Variants in CD247 observed in about 807,000 individuals in gnomAD.
The protein encoded by CD247 is CD247 molecule.
A neutral mutation model predicts 30.0 loss-of-function variants in CD247; 13 were observed. That is an observed-to-expected ratio of 0.43 (90% confidence interval 0.28 to 0.69). The LOEUF (loss-of-function observed/expected upper bound fraction) is 0.69. Among genes scored for constraint, CD247 ranks in the 30% least tolerant of loss-of-function variants. The pLI, the probability that CD247 is intolerant of heterozygous loss-of-function variation, is 0.16. For missense variants in CD247, 193 were observed against 212.6 expected (o/e 0.91, Z 0.57); for synonymous variants, 72 against 80.0 (o/e 0.90, Z 0.53).
intron 1 of CD247, among the ~76,000 whole-genome samples, chr1:167,468,193 A>G (rs2102042555): frequency 6.6e-6 from 1 of 152,230 alleles, no homozygotes; most frequent in African/African-American, 2.4e-5. Flanking sequence ...GGGAAGATTT[A>G]TTGCCTCCAA....
At chr1:167,448,114 A>G (rs374476410) in intron 1 of CD247, among the ~76,000 whole-genome samples, 2 of 152,224 alleles carry the variant, frequency 1.3e-5, no homozygotes, top group African/African-American at 4.8e-5. Context: ...CAGAAAAGAT[A>G]TAGGCTAGAC....
chr1:167,439,346 T>A lies in CD247; in HGVS notation c.217A>T (p.Asn73Tyr), dbSNP rs772128174. 1 of 1,613,792 alleles carries A rather than the reference T, an allele frequency of 6.2e-7. No individual in the cohort carries two copies. The highest frequency in any genetic ancestry group is 2.2e-5 in the East Asian group (1 of 44,874). Residue 73 changes from asparagine to tyrosine, a missense_variant and splice_region_variant, in exon 3 of 8, where the codon AAC (asparagine) becomes TAC (tyrosine). Transcript: ENST00000362089. ...GGTCTACGGCGAGGCTGACTTACGT[T>A]ATAGAGCTGGTTCTGGCCCTGCTGG... ...AYQQGQNQLYNELNLGRREEY... is the reference protein window; with the variant it reads ...AYQQGQNQLYYELNLGRREEY...
chr1:167,493,130 C>T (rs1654528787), intron 1 of CD247, among the ~76,000 whole-genome samples: 1 of 148,026 alleles, frequency 6.8e-6, no homozygotes, highest in South Asian at 2.2e-4. Flanking sequence ...GCAACTGCCA[C>T]CTCCTGGGTT....
Position 167,509,351 on chromosome 1 carries a change from C to T in CD247, c.58+9057G>A, listed in dbSNP as rs543894270. 8.0e-5 allele frequency among the ~76,000 whole-genome samples: 10 copies of T among 124,706 alleles called. No individual in the cohort carries two copies. In the East Asian group the frequency reaches 8.9e-4, roughly 11 times the overall value. 81.8% of individuals were successfully genotyped at this position (124,706 alleles called of 152,430 possible). On this transcript the variant is annotated intron_variant, in intron 1 of 7. Coordinates refer to ENST00000362089, the MANE Select transcript of CD247 (RefSeq NM_198053.3). ...TGCACTCCAGCCTAGTCAACAAGAG[C>T]GAAGCGAAACTCTGTCTCAAAAAAA...
intron 5 of CD247, 157 bp from the exon 6 acceptor site, chr1:167,434,233 C>A: frequency 1.4e-6 from 1 of 727,772 alleles, no homozygotes. Flanking sequence ...ACACAAACTT[C>A]TCTGCCCACA....
chr1:167,462,412 T>C (rs924229292), intron 1 of CD247, among the ~76,000 whole-genome samples: 1 of 152,208 alleles, frequency 6.6e-6, no homozygotes, highest in Non-Finnish European at 1.5e-5. Flanking sequence ...GGGCAGGAAC[T>C]CTGGCAAAGC....
At chr1:167,460,762 C>A (rs919295696) in intron 1 of CD247, among the ~76,000 whole-genome samples, 1 of 152,180 alleles carries the variant, frequency 6.6e-6, no homozygotes, top group Non-Finnish European at 1.5e-5. Flanking sequence ...CCGACAGGCC[C>A]TGGTGTGTGA....
At chr1:167,452,031 TG>T (rs577821305) in intron 1 of CD247, among the ~76,000 whole-genome samples, 307 of 152,320 alleles carry the variant, frequency 2.0e-3, no homozygotes, top group African/African-American at 6.9e-3. Flanking sequence ...GAGACTAGCC[TG>T]GCCAACATGG....
intron 1 of CD247, among the ~76,000 whole-genome samples, chr1:167,481,773 C>CG (rs1157945120): frequency 7.2e-5 from 11 of 152,210 alleles, no homozygotes; most frequent in African/African-American, 2.2e-4. Flanking sequence ...TGGGGTGGGG[C>CG]GGTCACAGGA....
rs567735563 is a variant in CD247 at position 167,511,099 on chromosome 1, A to G, written c.58+7309T>C. 1.1e-4 allele frequency among the ~76,000 whole-genome samples: 16 copies of G among 152,350 alleles called. No homozygotes were observed. The South Asian group carries it at 3.3e-3, about 32-fold the overall frequency. ...CCCCAGGCTAAAATATGACGTAAATAATTGTGAATAGATTATAGACATTTG... is the reference window on the plus strand; with the variant it reads ...CCCCAGGCTAAAATATGACGTAAATGATTGTGAATAGATTATAGACATTTG... On this transcript the variant is annotated intron_variant, in intron 1 of 7. Transcript: ENST00000362089.
At position 167,464,795 on chromosome 1, in the gene CD247, A is replaced by C. The variant is rs78330333; in HGVS notation, c.59-24028T>G. Among the ~76,000 whole-genome samples, 279 of 152,316 alleles carry C rather than the reference A, an allele frequency of 1.8e-3. 2 individuals are homozygous for C. Among genetic ancestry groups the C allele is most frequent in the Admixed American group, 0.012 (191 of 15,300 alleles). ...TGAAACTTCAATTGTCTCTGTTTTA[A>C]AGGCAGACACTTTTAATTAGACAAA... On this transcript the variant is annotated intron_variant, in intron 1 of 7. Transcript: ENST00000362089.
chr1:167,453,014 T>TATATATTAG (rs1558002688), intron 1 of CD247, among the ~76,000 whole-genome samples: 20 of 133,362 alleles, frequency 1.5e-4, no homozygotes, highest in Admixed American at 7.9e-4. Context: ...TGTGTGCATA[T>TATATATTAG]ATATATATTA....
chr1:167,517,893 G>A (rs34558615), intron 1 of CD247, among the ~76,000 whole-genome samples: 1,629 of 152,262 alleles, frequency 0.011, 34 homozygotes, highest in African/African-American at 0.037. Flanking sequence ...ACTTACTCCC[G>A]GGCCCATTGG....
chr1:167,471,764 G>A (rs889517009), intron 1 of CD247, among the ~76,000 whole-genome samples: 4 of 151,018 alleles, frequency 2.6e-5, no homozygotes, highest in South Asian at 4.2e-4. Context: ...CACTACACTC[G>A]GCTTTATTTT....
intron 1 of CD247, among the ~76,000 whole-genome samples, chr1:167,503,423 G>A (rs996891156): frequency 2.6e-5 from 4 of 152,180 alleles, no homozygotes; most frequent in African/African-American, 9.7e-5. Flanking sequence ...AAAACCAGAT[G>A]CCAAGAGGGG....
chr1:167,471,727 A>T (rs1050047063), intron 1 of CD247, among the ~76,000 whole-genome samples: 10 of 151,498 alleles, frequency 6.6e-5, no homozygotes, highest in Admixed American at 2.0e-4. Context: ...CTCAGCCTCC[A>T]GGGTAGCTGG....
intron 1 of CD247, among the ~76,000 whole-genome samples, chr1:167,488,950 C>T (rs914562993): frequency 3.3e-5 from 5 of 152,110 alleles, no homozygotes; most frequent in Non-Finnish European, 7.4e-5. Flanking sequence ...GGCTGTGGGC[C>T]GGGCCTCTTC....
intron 1 of CD247, among the ~76,000 whole-genome samples, chr1:167,492,150 C>CA (rs1245157326): frequency 6.6e-6 from 1 of 151,968 alleles, no homozygotes; most frequent in African/African-American, 2.4e-5. Context: ...TTTTACCAGG[C>CA]AAAAAAACAA....
chr1:167,466,230 T>C (rs761821269), intron 1 of CD247, among the ~76,000 whole-genome samples: 5 of 152,182 alleles, frequency 3.3e-5, no homozygotes, highest in Non-Finnish European at 5.9e-5. Flanking sequence ...TCACAGCACT[T>C]AGAAGTACCT....
Sources: allele counts gnomAD v4.1 joint callset (sites outside exome capture counted in the v4.1 genomes callset), GRCh38; gene constraint gnomAD v4.1.1; transcripts MANE v1.5; gene names NCBI Gene and HGNC (gene_info 2026-07-23, HGNC 2026-07-21).